The following RPS6KA2 variants were observed in gnomAD, a reference collection of about 807,000 sequenced individuals.
RPS6KA2 encodes ribosomal protein S6 kinase A2, also known as ribosomal protein S6 kinase alpha-2.
In RPS6KA2, 42 loss-of-function variants were observed where a neutral mutation model predicts 91.8. The ratio of observed to expected loss-of-function variants is 0.46; its 90% CI spans 0.36 to 0.59. The LOEUF (loss-of-function observed/expected upper bound fraction) is 0.59, where lower values mean the gene tolerates loss of function less well. Ranked by LOEUF, RPS6KA2 falls within the 20% of genes least tolerant of loss-of-function variation. The probability of loss-of-function intolerance (pLI) is 0.00; values close to 1 mark genes in which losing one functional copy is unlikely to be tolerated. For synonymous variants in RPS6KA2, 414 were observed against 393.6 expected (o/e 1.05, Z -0.61); for missense variants, 798 against 978.5 (o/e 0.82, Z 2.46).
chr6:166,493,801 G>C lies in RPS6KA2; in HGVS notation c.748-3060C>G, dbSNP rs1221143035. ...ACAGGCGTCCACTGAGGGAGGCACAGATGCTGCTAAACATCCTATGACACA... is the reference window on the plus strand; with the variant it reads ...ACAGGCGTCCACTGAGGGAGGCACACATGCTGCTAAACATCCTATGACACA... On this transcript the variant is annotated intron_variant, in intron 8 of 20. Coordinates refer to ENST00000265678, the MANE Select transcript of RPS6KA2 (RefSeq NM_021135.6). The surrounding 1 kb of genome is among the most constrained non-coding windows in gnomAD (Gnocchi z 4.7). Among the ~76,000 whole-genome samples the C allele has an allele frequency of 6.6e-6, 1 of 152,222 alleles. No individual in the cohort carries two copies. The highest frequency in any genetic ancestry group is 2.4e-5 in the African/African-American group (1 of 41,456).
chr6:166,600,824 G>A (rs1785706282), intron 1 of RPS6KA2, among the ~76,000 whole-genome samples: 1 of 152,196 alleles, frequency 6.6e-6, no homozygotes, highest in African/African-American at 2.4e-5. Context: ...GAATATGCAT[G>A]CATTTTGAAA....
intron 19 of RPS6KA2, among the ~76,000 whole-genome samples, chr6:166,417,118 C>T (rs1380571672): frequency 6.6e-6 from 1 of 152,158 alleles, no homozygotes; most frequent in African/African-American, 2.4e-5. Flanking sequence ...GTCTGATGGG[C>T]AAACGAAATA....
Position 166,626,641 on chromosome 6 carries a change from A to T in RPS6KA2, c.99+280T>A, listed in dbSNP as rs541675181. ...CGGGGCTCCCTGTGGCCCACAGGGG[A>T]CCATCCCACACCCCGTGCAGCCAGC... On this transcript the variant is annotated intron_variant, in intron 1 of 20. Coordinates refer to ENST00000265678, the MANE Select transcript of RPS6KA2 (RefSeq NM_021135.6). This position sits in a 1 kb window ranked among gnomAD's most constrained non-coding sequence, Gnocchi z 4.1. Among the ~76,000 whole-genome samples, 8 of 152,126 alleles carry T rather than the reference A, an allele frequency of 5.3e-5. No homozygotes were observed. The highest frequency in any genetic ancestry group is 7.4e-5 in the Non-Finnish European group (5 of 67,976).
chr6:166,754,035 C>T (rs1171240721), intron 2 of RPS6KA2, among the ~76,000 whole-genome samples: 1 of 152,200 alleles, frequency 6.6e-6, no homozygotes, highest in Non-Finnish European at 1.5e-5. Context: ...CCCCGAGCCC[C>T]AGCCACACAA....
intron 1 of RPS6KA2, among the ~76,000 whole-genome samples, chr6:166,583,153 A>C (rs1388257845): frequency 6.6e-6 from 1 of 152,246 alleles, no homozygotes; most frequent in Non-Finnish European, 1.5e-5. Context: ...TCAAGGTATC[A>C]TATTACACAT....
intron 14 of RPS6KA2, among the ~76,000 whole-genome samples, chr6:166,443,618 T>C (rs1231042124): frequency 6.6e-6 from 1 of 152,232 alleles, no homozygotes; most frequent in Non-Finnish European, 1.5e-5. Context: ...GTGAAATTCT[T>C]ACGGTAGTGC....
intron 1 of RPS6KA2, among the ~76,000 whole-genome samples, chr6:166,576,598 G>C (rs1784843244): frequency 2.0e-5 from 3 of 152,208 alleles, no homozygotes; most frequent in Middle Eastern, 3.2e-3. Context: ...GTGAACTTAA[G>C]AGAGATGAGT....
intron 1 of RPS6KA2, among the ~76,000 whole-genome samples, chr6:166,860,387 G>A (rs1781018224): frequency 2.6e-5 from 4 of 152,182 alleles, no homozygotes; most frequent in Admixed American, 2.6e-4. Flanking sequence ...GCAAGGCAGG[G>A]CAGACCATCA....
rs578092676 is a variant in RPS6KA2, at chr6:166,720,662, G to T, written c.123+137538C>A. On this transcript the variant is annotated intron_variant, in intron 2 of 21. Coordinates refer to the RPS6KA2 transcript ENST00000503859. ...ACATATTTCTAACTCTAAATAAAGG[G>T]AAATACTTGGTCATAAGAAAAATGA... Among the ~76,000 whole-genome samples, 21 of 152,322 alleles carry T rather than the reference G, an allele frequency of 1.4e-4. No homozygotes were observed. The South Asian group carries it at 4.1e-3, about 30-fold the overall frequency.
At chr6:166,550,825 AC>A (rs977206382) in intron 1 of RPS6KA2, among the ~76,000 whole-genome samples, 2 of 151,808 alleles carry the variant, frequency 1.3e-5, no homozygotes, top group Non-Finnish European at 2.9e-5. Context: ...ACACGGTGAA[AC>A]CCCGTCTCTA....
chr6:166,522,230 A>T (rs1019150843), intron 3 of RPS6KA2, among the ~76,000 whole-genome samples: 3 of 152,258 alleles, frequency 2.0e-5, no homozygotes, highest in Non-Finnish European at 4.4e-5. Context: ...ATACAAAAGA[A>T]AATTAAGGTT....
At chr6:166,586,522 T>C (rs530559230) in intron 1 of RPS6KA2, 2 of 1,559,580 alleles carry the variant, frequency 1.3e-6, no homozygotes, top group East Asian at 4.5e-5. Flanking sequence ...GCTTAATGTT[T>C]AGGTTGTTTA....
intron 3 of RPS6KA2, among the ~76,000 whole-genome samples, chr6:166,525,704 C>T (rs918427368): frequency 1.3e-5 from 2 of 152,212 alleles, no homozygotes; most frequent in African/African-American, 2.4e-5. Context: ...TTTGACTATT[C>T]ACATGCCTGG....
intron 2 of RPS6KA2, among the ~76,000 whole-genome samples, chr6:166,819,714 A>T (rs533433959): frequency 6.6e-6 from 1 of 152,300 alleles, no homozygotes; most frequent in African/African-American, 2.4e-5. Flanking sequence ...AGGGCTCTGC[A>T]GTGCCCCATG....
Position 166,432,466 on chromosome 6 carries a change from G to T in RPS6KA2, c.1357C>A (p.Pro453Thr), listed in dbSNP as rs1401409203. The change falls in exon 15 of 21, where the codon CCC (proline) becomes ACC (threonine). Residue 453 changes from proline to threonine, a missense_variant. By Grantham distance (38) the Pro-to-Thr change is conservative (BLOSUM62 -1). Transcript: ENST00000265678. ...AGGAGGATCTCAATCTCTTCCGAGGGGTCTCTCTTGCTCTTATCAATGATC... is the reference window on the plus strand; with the variant it reads ...AGGAGGATCTCAATCTCTTCCGAGGTGTCTCTCTTGCTCTTATCAATGATC... ...VKIIDKSKRD[P>T]SEEIEILLRY... 6.2e-7 allele frequency: 1 copy of T among 1,612,894 alleles called. No homozygotes were observed. Among genetic ancestry groups the T allele is most frequent in the Non-Finnish European group, 8.5e-7 (1 of 1,178,948 alleles).
At chr6:166,754,685 A>G (rs1050527521) in intron 2 of RPS6KA2, among the ~76,000 whole-genome samples, 1 of 152,152 alleles carries the variant, frequency 6.6e-6, no homozygotes, top group African/African-American at 2.4e-5. Flanking sequence ...CAGCCTCTCC[A>G]GGGCCAGCAA....
At chr6:166,680,887 C>A (rs763894514) in intron 2 of RPS6KA2, among the ~76,000 whole-genome samples, 1 of 152,250 alleles carries the variant, frequency 6.6e-6, no homozygotes, top group African/African-American at 2.4e-5. Context: ...GTTCAAACTT[C>A]AGTCAGATGC....
At chr6:166,587,773 T>C (rs539749822) in intron 1 of RPS6KA2, among the ~76,000 whole-genome samples, 1 of 152,244 alleles carries the variant, frequency 6.6e-6, no homozygotes, top group African/African-American at 2.4e-5. Flanking sequence ...GCGCTGAAAC[T>C]AGCCGTCTGG....
chr6:166,457,196 G>A (rs1322410464), intron 12 of RPS6KA2, among the ~76,000 whole-genome samples: 1 of 152,210 alleles, frequency 6.6e-6, no homozygotes, highest in Non-Finnish European at 1.5e-5. Context: ...TAGGGACAAC[G>A]ATCTCGTGGT....
Sources: allele counts gnomAD v4.1 joint callset (sites outside exome capture counted in the v4.1 genomes callset), GRCh38; gene constraint gnomAD v4.1.1; non-coding constraint Gnocchi (gnomAD v3.1); transcripts MANE v1.5; gene names NCBI Gene and HGNC (gene_info 2026-07-23, HGNC 2026-07-21).